Variants in CORO7 observed in about 807,000 individuals in gnomAD.
The protein encoded by CORO7 is coronin-7.
CORO7 carries 107 observed loss-of-function variants against 126.6 expected under a neutral mutation model. That is an observed-to-expected ratio of 0.85 (90% CI 0.72 to 0.99). The LOEUF is 0.99. Among genes scored for constraint, CORO7 ranks in the 50% least tolerant of loss-of-function variants. The pLI is 0.00. For synonymous variants in CORO7, 603 were observed against 536.8 expected, an observed-to-expected ratio of 1.12 and a Z score of -1.70; for missense variants, 1,314 against 1,255.8, an observed-to-expected ratio of 1.05 and a Z score of -0.70.
rs2141182119 is a variant in CORO7, at chr16:4,360,376, A to G, written c.2023-13T>C. 6.2e-7 allele frequency: 1 copy of G among 1,613,432 alleles called. No individual in the cohort carries two copies. Among genetic ancestry groups the G allele is most frequent in the Non-Finnish European group, 8.5e-7 (1 of 1,179,976 alleles). ...GCCCTGGGCCTTCCTGTTGAGATAC[A>G]TCGCGTGACACCCAGCCAGCACCCC... On this transcript the variant is annotated splice_polypyrimidine_tract_variant and intron_variant, in intron 20 of 27. Transcript: ENST00000251166.
intron 20 of CORO7, 36 bp from the exon 21 acceptor site, chr16:4,360,399 C>G (rs2054126382): frequency 6.2e-7 from 1 of 1,613,186 alleles, no homozygotes; most frequent in African/African-American, 1.3e-5. Flanking sequence ...CAGCCAGCAC[C>G]CCTGAACCAG....
chr16:4,362,525 C>G lies in CORO7; in HGVS notation c.1402+87G>C. 1 of 1,471,556 alleles carries G rather than the reference C, an allele frequency of 6.8e-7. No homozygotes were observed. Among genetic ancestry groups the G allele is most frequent in the East Asian group, 2.5e-5 (1 of 40,566 alleles). The allele number at this position is 1,471,556 out of a possible 1,614,324, so 91.2% of individuals were successfully genotyped here. A position where few individuals can be genotyped will look rare whatever the true frequency, so the allele number is the denominator to read the frequency against. On this transcript the variant is annotated intron_variant, in intron 15 of 27. Transcript: ENST00000251166. This position sits in a 1 kb window ranked among gnomAD's most constrained non-coding sequence, Gnocchi z 5.3. ...GGGTGCCCTGCATGAGGCCTGTGCT[C>G]AGCAGTAGGGTACACAGGAGGATGA...
chr16:4,398,983 AC>A (rs1567293799), intron 6 of CORO7, among the ~76,000 whole-genome samples: 9 of 152,146 alleles, frequency 5.9e-5, no homozygotes, highest in East Asian at 1.9e-4. Flanking sequence ...AAAAAAAAAA[AC>A]AAAACCAACT....
intron 3 of CORO7, among the ~76,000 whole-genome samples, chr16:4,410,570 G>C (rs2056166946): frequency 6.6e-6 from 1 of 152,168 alleles, no homozygotes; most frequent in South Asian, 2.1e-4. Context: ...ACTTCAAAGA[G>C]ATCTGAGATT....
intron 9 of CORO7, among the ~76,000 whole-genome samples, chr16:4,366,153 A>C (rs2054339644): frequency 6.6e-6 from 1 of 152,256 alleles, no homozygotes; most frequent in East Asian, 1.9e-4. Context: ...GCCCGGGAGA[A>C]GGGGCTCCTC....
At chr16:4,364,111 A>C (rs543036482) in intron 14 of CORO7, among the ~76,000 whole-genome samples, 165 bp downstream of exon 14, 11 of 151,832 alleles carry the variant, frequency 7.2e-5, no homozygotes, top group Non-Finnish European at 8.8e-5. Flanking sequence ...GCTTGAACCT[A>C]GGAAGAGGAG....
At chr16:4,382,684 C>T (rs1032974390) in intron 9 of CORO7, 50 of 1,545,688 alleles carry the variant, frequency 3.2e-5, no homozygotes, top group East Asian at 9.8e-5. Flanking sequence ...GCGGCGGGGG[C>T]GGGCCATGGC....
rs1261450864 is a variant in CORO7, at chr16:4,358,441, C to G, written c.2383G>C (p.Val795Leu). Reference protein sequence around the residue: ...LPKTECDVREVELMRCLRLRQ... With the variant: ...LPKTECDVRELELMRCLRLRQ... ...AGCCGCAGGCACCGCATCAGCTCCA[C>G]TTCCCGCACGTCGCACTCCGTCTTA... The change falls in exon 24 of 28, where the codon GTG becomes CTG. Residue 795 changes from valine to leucine, a missense_variant. Transcript: ENST00000251166. 6.8e-6 allele frequency: 11 copies of G among 1,611,390 alleles called. No homozygotes were observed. The highest frequency in any genetic ancestry group is 9.3e-6 in the Non-Finnish European group (11 of 1,178,942).
intron 9 of CORO7, among the ~76,000 whole-genome samples, chr16:4,379,159 G>A (rs1156609271): frequency 6.6e-6 from 1 of 152,102 alleles, no homozygotes; most frequent in Non-Finnish European, 1.5e-5. Flanking sequence ...GGTCGGGGTC[G>A]TGTTCCCTGG....
In CORO7 at chr16:4,416,444, T is replaced by C; in HGVS notation, c.60+15A>G. 6.4e-7 allele frequency: 1 copy of C among 1,564,160 alleles called. No homozygotes were observed. The highest frequency in any genetic ancestry group is 8.6e-7 in the Non-Finnish European group (1 of 1,160,458). ...GGCCCGAGGCGACAGCGCCCGGTCC[T>C]CGGGCCGGACTCACCTCGCGGCGGG... On this transcript the variant is annotated intron_variant, in intron 1 of 27. Transcript: ENST00000251166.
intron 7 of CORO7, among the ~76,000 whole-genome samples, chr16:4,394,592 C>G (rs138963646): frequency 2.0e-4 from 31 of 152,350 alleles, no homozygotes; most frequent in Non-Finnish European, 3.8e-4. Context: ...TGGCATTACT[C>G]AGGCCTCTGC....
chr16:4,380,055 CT>C (rs1347433074), intron 9 of CORO7, among the ~76,000 whole-genome samples: 1 of 144,748 alleles, frequency 6.9e-6, no homozygotes, highest in African/African-American at 2.5e-5. Context: ...AAGACTCCGT[CT>C]CAAAAAAAAA....
Position 4,413,288 on chromosome 16 carries a change from C to T in CORO7, c.157+20G>A, listed in dbSNP as rs762659513. The T allele has an allele frequency of 2.6e-6, 4 of 1,558,492 alleles. No individual in the cohort carries two copies. Among genetic ancestry groups the T allele is most frequent in the Non-Finnish European group, 2.6e-6 (3 of 1,150,206 alleles). On this transcript the variant is annotated intron_variant, in intron 2 of 27. Coordinates refer to ENST00000251166, the MANE Select transcript of CORO7 (RefSeq NM_024535.5). ...GACCGAATATGTGAGCAAATATCCA[C>T]ACTCATGGCCATTCCCTACCAGGAC...
chr16:4,408,053 C>G, intron 4 of CORO7, 128 bp downstream of exon 4: 1 of 1,411,994 alleles, frequency 7.1e-7, no homozygotes, highest in Non-Finnish European at 9.7e-7. Context: ...ACCAGCCCCG[C>G]AGCCCTGGGG....
At chr16:4,355,262 G>T in intron 27 of CORO7, 24 bp downstream of exon 27, 1 of 1,612,656 alleles carries the variant, frequency 6.2e-7, no homozygotes, top group South Asian at 1.1e-5. Flanking sequence ...TGCCTGCCGG[G>T]AAGTGAGGCC....
intron 6 of CORO7, among the ~76,000 whole-genome samples, chr16:4,399,924 T>C (rs1334020759): frequency 6.6e-6 from 1 of 152,146 alleles, no homozygotes; most frequent in Non-Finnish European, 1.5e-5. Flanking sequence ...CAAAAATACA[T>C]TGCTAAGTTA....
intron 9 of CORO7, among the ~76,000 whole-genome samples, chr16:4,380,412 A>G (rs1342470458): frequency 6.6e-6 from 1 of 152,228 alleles, no homozygotes; most frequent in Non-Finnish European, 1.5e-5. Context: ...GGAGCGTGGC[A>G]GCAGGAGCCG....
chr16:4,376,940 G>A (rs1056035884), intron 9 of CORO7, among the ~76,000 whole-genome samples: 2 of 152,182 alleles, frequency 1.3e-5, no homozygotes, highest in Admixed American at 6.5e-5. Context: ...AGAGTTCTGC[G>A]TTTATGAGTG....
rs750574643 is a variant in CORO7 at position 4,357,223 on chromosome 16, G to A, written c.2630C>T (p.Ala877Val). The change falls in exon 26 of 28, where the codon GCC (alanine) becomes GTC (valine). Residue 877 changes from alanine (A) to valine (V), a missense_variant. By Grantham distance (64) the Ala-to-Val change is moderately conservative (BLOSUM62 0). Coordinates refer to ENST00000251166, the MANE Select transcript of CORO7 (RefSeq NM_024535.5). ...QAPREAPARRAPSSAQYLEEK... is the reference protein window; with the variant it reads ...QAPREAPARRVPSSAQYLEEK... The stretch of plus-strand genomic sequence containing the variant: ...TTCCAGGTACTGCGCTGAGGATGGG[G>A]CCCGACGAGCAGGGGCCTCTCGGGG... 21 of 1,613,608 alleles carry A rather than the reference G, an allele frequency of 1.3e-5. No homozygotes were observed. Among genetic ancestry groups the A allele is most frequent in the Admixed American group, 8.3e-5 (5 of 59,970 alleles).
Sources: gnomAD v4.1 joint callset for allele counts (sites outside exome capture counted in the v4.1 genomes callset) on GRCh38, gnomAD v4.1.1 for gene constraint, Gnocchi (gnomAD v3.1) non-coding constraint, MANE v1.5 for transcripts, NCBI Gene and HGNC (gene_info 2026-07-23, HGNC 2026-07-21) for gene names.